Variants in NAV2 observed in about 807,000 individuals in gnomAD.
The protein encoded by NAV2 is neuron navigator 2.
In NAV2, 54 loss-of-function variants were observed where a neutral mutation model predicts 223.2. That is an observed-to-expected ratio of 0.24 (90% CI 0.19 to 0.30). The LOEUF (loss-of-function observed/expected upper bound fraction) is 0.30, where lower values mean the gene tolerates loss of function less well. NAV2 is among the 10% of genes least tolerant of loss of function. The pLI is 1.00. For missense variants in NAV2, 2,806 were observed against 3,147.5 expected (o/e 0.89, Z 2.60); for synonymous variants, 1,279 against 1,239.3 (o/e 1.03, Z -0.67).
At chr11:19,927,045 G>C (rs183587353) in intron 6 of NAV2, among the ~76,000 whole-genome samples, 9 of 152,200 alleles carry the variant, frequency 5.9e-5, no homozygotes, top group Non-Finnish European at 1.5e-5. Flanking sequence ...GTCAGGGAAG[G>C]TTAAGGCTGG....
chr11:19,945,022 C>A (rs1802127155), intron 8 of NAV2, among the ~76,000 whole-genome samples: 3 of 141,334 alleles, frequency 2.1e-5, no homozygotes. Flanking sequence ...CTTTCCTTTT[C>A]TTTCTTCTTT....
At chr11:19,703,198 G>GT (rs199937737) in intron 1 of NAV2, among the ~76,000 whole-genome samples, 1,552 of 152,176 alleles carry the variant, frequency 0.01, 28 homozygotes, top group African/African-American at 0.036. Context: ...CACTATTGAG[G>GT]TTTTTTTAGG....
At chr11:19,906,625 A>T (rs1257700531) in intron 6 of NAV2, among the ~76,000 whole-genome samples, 1 of 152,212 alleles carries the variant, frequency 6.6e-6, no homozygotes, top group Non-Finnish European at 1.5e-5. Context: ...TTATAGGGGC[A>T]TGTAGTTCTA....
At chr11:19,579,436 AC>A (rs1311966851) in intron 1 of NAV2, among the ~76,000 whole-genome samples, 25 of 152,128 alleles carry the variant, frequency 1.6e-4, no homozygotes, top group African/African-American at 6.0e-4. Context: ...AAGCAGCTGG[AC>A]AGAGACGGAG....
intron 1 of NAV2, among the ~76,000 whole-genome samples, chr11:19,764,735 G>A (rs1309351253): frequency 3.3e-5 from 5 of 151,966 alleles, no homozygotes; most frequent in Non-Finnish European, 7.4e-5. Context: ...ATATATAAAT[G>A]TCTCCATTTG....
At chr11:19,721,512 A>G (rs1481097959) in intron 1 of NAV2, among the ~76,000 whole-genome samples, 1 of 152,236 alleles carries the variant, frequency 6.6e-6, no homozygotes, top group African/African-American at 2.4e-5. Flanking sequence ...AGTTTAGATT[A>G]TGAATCATTA....
chr11:19,382,626 A>G (rs1848887819), intron 1 of NAV2, among the ~76,000 whole-genome samples: 2 of 152,194 alleles, frequency 1.3e-5, no homozygotes, highest in African/African-American at 4.8e-5. Flanking sequence ...TGAAAATCAC[A>G]ATGCCTGGCA....
chr11:19,955,570 A>G (rs560384097), intron 10 of NAV2, among the ~76,000 whole-genome samples: 6 of 152,278 alleles, frequency 3.9e-5, no homozygotes, highest in African/African-American at 1.4e-4. Flanking sequence ...TGAGCTTGAC[A>G]TTGTCAATAC....
chr11:19,734,426 T>C (rs11825107), intron 1 of NAV2, among the ~76,000 whole-genome samples: 2,112 of 152,336 alleles, frequency 0.014, 52 homozygotes, highest in African/African-American at 0.049. Flanking sequence ...TGAGAAGGCC[T>C]GTGCCAGCCA....
rs1047775130 is a variant in NAV2 at position 20,012,044 on chromosome 11, G to T, written c.2769-23915G>T. On this transcript the variant is annotated intron_variant, in intron 11 of 37. Transcript: ENST00000349880. ...GCATAGTCTCGAGTATCTTCTGGCAGTGGTGATGGGGCTACCCTGAACCAT... is the reference window on the plus strand; with the variant it reads ...GCATAGTCTCGAGTATCTTCTGGCATTGGTGATGGGGCTACCCTGAACCAT... Among the ~76,000 whole-genome samples the T allele has an allele frequency of 2.0e-5, 3 of 152,232 alleles. No individual in the cohort carries two copies. The East Asian group carries it at 5.8e-4, about 29-fold the overall frequency.
chr11:20,049,753 T>C, intron 15 of NAV2, 83 bp from the exon 16 acceptor site: 1 of 1,348,366 alleles, frequency 7.4e-7, no homozygotes, highest in Non-Finnish European at 1.1e-6. Context: ...GCATGGGGAA[T>C]GAAAAAAATG....
At chr11:19,954,300 T>C (rs532967728) in intron 10 of NAV2, among the ~76,000 whole-genome samples, 1 of 152,314 alleles carries the variant, frequency 6.6e-6, no homozygotes, top group South Asian at 2.1e-4. Context: ...TAGGGGCTGC[T>C]GTCTTCCCTC....
chr11:19,874,987 T>C (rs118034066), intron 4 of NAV2, among the ~76,000 whole-genome samples: 265 of 152,234 alleles, frequency 1.7e-3, no homozygotes, highest in Non-Finnish European at 3.0e-3. Context: ...TGAAATCCCA[T>C]CTCTACTGAA....
chr11:19,724,184 C>T (rs991604744), intron 1 of NAV2, among the ~76,000 whole-genome samples: 1 of 152,124 alleles, frequency 6.6e-6, no homozygotes, highest in African/African-American at 2.4e-5. Context: ...TCCAGTCACC[C>T]AGCTCCAAAG....
chr11:19,682,673 C>T (rs1712668723), intron 1 of NAV2, among the ~76,000 whole-genome samples: 1 of 152,128 alleles, frequency 6.6e-6, no homozygotes, highest in South Asian at 2.1e-4. Context: ...GGATGGGGGG[C>T]TACATATTAC....
intron 6 of NAV2, among the ~76,000 whole-genome samples, chr11:19,930,724 A>G (rs2045253819): frequency 6.6e-6 from 1 of 152,222 alleles, no homozygotes; most frequent in Non-Finnish European, 1.5e-5. Context: ...TGAATGAATG[A>G]ATGAAAACTT....
rs555412483 is a variant in NAV2, at chr11:19,618,351, T to C, written c.76-214133T>C. ...ACGGATGGATGGATTGCTTGATGGATTGCTGGATGGATGGATGGATGGATG... is the reference window on the plus strand; with the variant it reads ...ACGGATGGATGGATTGCTTGATGGACTGCTGGATGGATGGATGGATGGATG... On this transcript the variant is annotated intron_variant, in intron 1 of 37. Transcript: ENST00000360655. 2.0e-5 allele frequency among the ~76,000 whole-genome samples: 3 copies of C among 146,504 alleles called. No homozygotes were observed. The East Asian group carries it at 6.1e-4, about 30-fold the overall frequency.
chr11:19,774,594 T>G (rs1247695242), intron 1 of NAV2, among the ~76,000 whole-genome samples: 2 of 152,168 alleles, frequency 1.3e-5, no homozygotes, highest in Admixed American at 1.3e-4. Context: ...TGTGTGTGCA[T>G]GGTAGGGACA....
intron 1 of NAV2, among the ~76,000 whole-genome samples, chr11:19,454,917 C>T (rs1326645824): frequency 3.3e-5 from 5 of 152,100 alleles, no homozygotes; most frequent in Admixed American, 3.3e-4. Context: ...GTGGCTAAAA[C>T]AGTGGTTCTT....
Sources: gnomAD v4.1 joint callset for allele counts (sites outside exome capture counted in the v4.1 genomes callset) on GRCh38, gnomAD v4.1.1 for gene constraint, MANE v1.5 for transcripts, NCBI Gene and HGNC (gene_info 2026-07-23, HGNC 2026-07-21) for gene names.